The following PDE3A variants were observed in gnomAD, a reference collection of about 807,000 sequenced individuals.
The protein encoded by PDE3A is phosphodiesterase 3A.
Under a neutral mutation model 98.3 loss-of-function variants are expected in PDE3A, and 43 were observed. That is an observed-to-expected ratio of 0.44 (90% CI 0.34 to 0.56). PDE3A has a LOEUF of 0.56. Among genes scored for constraint, PDE3A ranks in the 20% least tolerant of loss-of-function variants. PDE3A has a pLI of 0.01. For synonymous variants in PDE3A, 663 were observed against 567.9 expected (o/e 1.17, Z -2.38); for missense variants, 1,427 against 1,440.7 (o/e 0.99, Z 0.15).
intron 1 of PDE3A, among the ~76,000 whole-genome samples, chr12:20,481,812 T>C (rs1945632180): frequency 1.7e-5 from 2 of 117,992 alleles, no homozygotes; most frequent in African/African-American, 6.3e-5. Flanking sequence ...TCACCCAGGC[T>C]GGAATGCAGG....
At chr12:20,594,532 C>CT (rs747101272) in intron 2 of PDE3A, among the ~76,000 whole-genome samples, 5,402 of 134,066 alleles carry the variant, frequency 0.04, 193 homozygotes, top group Admixed American at 0.11. Flanking sequence ...TAATTAGGGG[C>CT]TTTTTTTTTT....
At chr12:20,633,338 C>A (rs947424916) in intron 6 of PDE3A, among the ~76,000 whole-genome samples, 1 of 152,076 alleles carries the variant, frequency 6.6e-6, no homozygotes, top group African/African-American at 2.4e-5. Context: ...TAGGTCAACA[C>A]CTGCAAAATG....
intron 15 of PDE3A, among the ~76,000 whole-genome samples, chr12:20,661,987 T>G (rs753932931): frequency 2.6e-5 from 4 of 152,122 alleles, no homozygotes; most frequent in Non-Finnish European, 5.9e-5. Flanking sequence ...AGACACTCAA[T>G]GCCAGCCCAT....
intron 4 of PDE3A, among the ~76,000 whole-genome samples, chr12:20,619,845 A>G (rs1218718507): frequency 6.6e-6 from 1 of 152,038 alleles, no homozygotes; most frequent in Non-Finnish European, 1.5e-5. Context: ...TTGAAGAAAA[A>G]TCTCTCTGAA....
chr12:20,680,426 C>A lies in PDE3A; in HGVS notation c.*155C>A. 1.3e-6 allele frequency: 1 copy of A among 762,500 alleles called. No homozygotes were observed. The highest frequency in any genetic ancestry group is 2.1e-6 in the Non-Finnish European group (1 of 477,166). 47.2% of individuals were successfully genotyped at this position (762,500 alleles called of 1,614,324 possible). ...TTCGCATTTTGTGTGTATATTTTTA[C>A]AGTGAGGTACATTGTTAAAAACTTT... On this transcript the variant is annotated 3_prime_UTR_variant, in exon 16 of 16. Transcript: ENST00000359062.
chr12:20,569,347 T>C (rs1231469374), intron 2 of PDE3A, among the ~76,000 whole-genome samples: 2 of 152,096 alleles, frequency 1.3e-5, no homozygotes, highest in Non-Finnish European at 2.9e-5. Flanking sequence ...ATATAAATCA[T>C]GTGCTTAAAA....
intron 1 of PDE3A, among the ~76,000 whole-genome samples, chr12:20,439,481 C>T (rs745701651): frequency 2.1e-4 from 32 of 152,104 alleles, no homozygotes; most frequent in African/African-American, 3.1e-4. Context: ...TAAATTTCTA[C>T]GGTAGCATTT....
chr12:20,607,890 ACTAT>A (rs1943751072), intron 2 of PDE3A, among the ~76,000 whole-genome samples: 1 of 152,118 alleles, frequency 6.6e-6, no homozygotes, highest in African/African-American at 2.4e-5. Flanking sequence ...ATTTATTATC[ACTAT>A]CTAAGATTTC....
At chr12:20,608,773 A>G (rs542050791) in intron 2 of PDE3A, among the ~76,000 whole-genome samples, 1 of 152,168 alleles carries the variant, frequency 6.6e-6, no homozygotes, top group African/African-American at 2.4e-5. Flanking sequence ...ATTCTCATGA[A>G]CATGTTCTAC....
intron 1 of PDE3A, among the ~76,000 whole-genome samples, chr12:20,516,120 C>G (rs1946318399): frequency 6.6e-6 from 1 of 151,950 alleles, no homozygotes; most frequent in South Asian, 2.1e-4. Flanking sequence ...CAAAACCTCC[C>G]AAAGGTAATG....
chr12:20,654,292 A>G (rs1944987325), intron 15 of PDE3A, 87 bp downstream of exon 15: 9 of 1,265,402 alleles, frequency 7.1e-6, no homozygotes, highest in Non-Finnish European at 1.0e-5. Context: ...TGAAATACAC[A>G]ATACTTCAAG....
intron 2 of PDE3A, among the ~76,000 whole-genome samples, chr12:20,598,245 C>G (rs976991941): frequency 1.3e-5 from 2 of 151,644 alleles, no homozygotes; most frequent in Non-Finnish European, 2.9e-5. Flanking sequence ...TGCAATGGCG[C>G]GATCTCAGCT....
chr12:20,613,373 C>T, intron 2 of PDE3A, 70 bp from the exon 3 acceptor site: 1 of 1,447,340 alleles, frequency 6.9e-7, no homozygotes, highest in Non-Finnish European at 9.6e-7. Context: ...GTGAAAAAGT[C>T]CAAATTAATG....
At chr12:20,595,690 T>G (rs1261782476) in intron 2 of PDE3A, among the ~76,000 whole-genome samples, 1 of 152,182 alleles carries the variant, frequency 6.6e-6, no homozygotes, top group Non-Finnish European at 1.5e-5. Context: ...GGGAGACATT[T>G]TGAAGCTCTT....
At chr12:20,473,699 T>A (rs936232016) in intron 1 of PDE3A, among the ~76,000 whole-genome samples, 9 of 152,016 alleles carry the variant, frequency 5.9e-5, no homozygotes, top group Admixed American at 1.3e-4. Flanking sequence ...TATATATATA[T>A]GTTTATTTTT....
At chr12:20,507,022 G>T (rs956040674) in intron 1 of PDE3A, among the ~76,000 whole-genome samples, 3 of 152,016 alleles carry the variant, frequency 2.0e-5, no homozygotes, top group African/African-American at 7.2e-5. Context: ...CTTTATAAAA[G>T]GTTATTAAAT....
At chr12:20,581,280 C>A (rs1943056659) in intron 2 of PDE3A, among the ~76,000 whole-genome samples, 2 of 152,162 alleles carry the variant, frequency 1.3e-5, no homozygotes, top group African/African-American at 4.8e-5. Context: ...GCCCCAAATT[C>A]TCAGACTTTC....
chr12:20,609,440 TACTC>T (rs1176112274), intron 2 of PDE3A, among the ~76,000 whole-genome samples: 2 of 151,998 alleles, frequency 1.3e-5, no homozygotes, highest in African/African-American at 4.8e-5. Context: ...AATATTCCAT[TACTC>T]AATCAGAAGT....
chr12:20,381,638 T>G (rs1298643352), intron 1 of PDE3A, among the ~76,000 whole-genome samples: 1 of 151,860 alleles, frequency 6.6e-6, no homozygotes, highest in Non-Finnish European at 1.5e-5. Flanking sequence ...CATTCATTAG[T>G]TTCCAAGACA....
Sources: gnomAD v4.1 joint callset for allele counts (sites outside exome capture counted in the v4.1 genomes callset) on GRCh38, gnomAD v4.1.1 for gene constraint, MANE v1.5 for transcripts, NCBI Gene and HGNC (gene_info 2026-07-23, HGNC 2026-07-21) for gene names.